INSYN2B: variants seen among roughly 807,000 people sequenced by gnomAD.
INSYN2B encodes inhibitory synaptic factor family member 2B.
Under a neutral mutation model 41.2 loss-of-function variants are expected in INSYN2B, and 16 were observed. That is an observed-to-expected ratio of 0.39 (90% confidence interval 0.26 to 0.59). INSYN2B has a LOEUF of 0.59. Ranked by LOEUF, INSYN2B falls within the 20% of genes least tolerant of loss-of-function variation. The pLI, the probability that INSYN2B is intolerant of heterozygous loss-of-function variation, is 0.57. For missense variants in INSYN2B, 608 were observed against 646.4 expected, an observed-to-expected ratio of 0.94 and a Z score of 0.64; for synonymous variants, 245 against 244.4, an observed-to-expected ratio of 1.00 and a Z score of -0.02.
At position 169,862,334 on chromosome 5, in the gene INSYN2B, C is replaced by T. The variant is rs991018664; in HGVS notation, c.*1939G>A. Among the ~76,000 whole-genome samples the T allele has an allele frequency of 4.6e-5, 7 of 152,042 alleles. No individual in the cohort carries two copies. The highest frequency in any genetic ancestry group is 9.7e-5 in the African/African-American group (4 of 41,392). ...GTTATTTACATTCTAGCATGATGCC[C>T]GAGAATATAAATTCACATGAAATTA... On this transcript the variant is annotated 3_prime_UTR_variant, in exon 4 of 4. Coordinates refer to ENST00000377365, the MANE Select transcript of INSYN2B (RefSeq NM_001129891.3).
chr5:169,974,313 A>C (rs1358933468), intron 1 of INSYN2B, among the ~76,000 whole-genome samples: 1 of 152,250 alleles, frequency 6.6e-6, no homozygotes, highest in Non-Finnish European at 1.5e-5. Context: ...TATTACGATC[A>C]TCAGTGTACT....
chr5:169,980,198 A>G (rs1400005955), intron 1 of INSYN2B, 79 bp downstream of exon 1: 2 of 152,136 alleles, frequency 1.3e-5, no homozygotes, highest in East Asian at 1.9e-4. Flanking sequence ...TTAAAAGTAA[A>G]CTATTGTCCA....
At chr5:169,927,766 G>A (rs1206008818) in intron 1 of INSYN2B, among the ~76,000 whole-genome samples, 9 of 152,212 alleles carry the variant, frequency 5.9e-5, no homozygotes, top group South Asian at 4.1e-4. Flanking sequence ...ACAGGCGCCC[G>A]CCACCACGCC....
chr5:169,867,813 C>T (rs1044406605), intron 3 of INSYN2B, among the ~76,000 whole-genome samples: 2 of 152,182 alleles, frequency 1.3e-5, no homozygotes, highest in Non-Finnish European at 2.9e-5. Context: ...TTTCTGTCTG[C>T]ACCACCTATA....
intron 3 of INSYN2B, among the ~76,000 whole-genome samples, chr5:169,880,496 C>A (rs573464673): frequency 3.9e-5 from 6 of 152,330 alleles, no homozygotes; most frequent in Admixed American, 1.3e-4. Flanking sequence ...CTTTGGTCAA[C>A]AAAATTAGAT....
chr5:169,902,722 G>T (rs1773998768), intron 1 of INSYN2B, among the ~76,000 whole-genome samples: 1 of 152,142 alleles, frequency 6.6e-6, no homozygotes, highest in Non-Finnish European at 1.5e-5. Context: ...CCCTTAATCT[G>T]CAGAAAATGG....
At chr5:169,904,301 A>G (rs547056490) in intron 1 of INSYN2B, among the ~76,000 whole-genome samples, 2 of 151,412 alleles carry the variant, frequency 1.3e-5, no homozygotes, top group East Asian at 3.9e-4. Context: ...TCTTAATGCT[A>G]GTTGTCCCTT....
intron 3 of INSYN2B, among the ~76,000 whole-genome samples, chr5:169,879,186 A>G (rs1199428331): frequency 6.6e-6 from 1 of 152,200 alleles, no homozygotes; most frequent in East Asian, 1.9e-4. Context: ...TGGGCAATCC[A>G]TCATGCGCTG....
intron 1 of INSYN2B, among the ~76,000 whole-genome samples, chr5:169,972,627 G>T (rs1007950040): frequency 7.3e-6 from 1 of 136,500 alleles, no homozygotes; most frequent in African/African-American, 2.7e-5. Flanking sequence ...TAGATAGATA[G>T]ATGATAGGTG....
intron 1 of INSYN2B, among the ~76,000 whole-genome samples, chr5:169,885,959 G>C (rs561293083): frequency 3.3e-5 from 5 of 152,286 alleles, no homozygotes; most frequent in Admixed American, 2.6e-4. Flanking sequence ...AGAGGAGCTA[G>C]AATTTGAACC....
chr5:169,978,404 G>GTT (rs1777808899), intron 1 of INSYN2B, among the ~76,000 whole-genome samples: 6 of 121,380 alleles, frequency 4.9e-5, no homozygotes, highest in Admixed American at 4.8e-4. Context: ...GGGGGGGGGG[G>GTT]GTGTAGGTGT....
intron 1 of INSYN2B, among the ~76,000 whole-genome samples, chr5:169,907,028 C>G (rs1581396475): frequency 6.6e-6 from 1 of 152,172 alleles, no homozygotes; most frequent in Admixed American, 6.5e-5. Flanking sequence ...GGTCCCTGCT[C>G]TCACTGAGCT....
At chr5:169,889,387 T>C (rs1162730452) in intron 1 of INSYN2B, among the ~76,000 whole-genome samples, 2 of 152,214 alleles carry the variant, frequency 1.3e-5, no homozygotes, top group African/African-American at 4.8e-5. Flanking sequence ...CTGTAATAAA[T>C]ACTGTGGAGA....
chr5:169,955,674 C>T (rs1024127430), intron 1 of INSYN2B, among the ~76,000 whole-genome samples: 1 of 152,142 alleles, frequency 6.6e-6, no homozygotes, highest in Admixed American at 6.5e-5. Flanking sequence ...TTTTGAATTC[C>T]AGCCTAGCCA....
chr5:169,934,795 A>G, intron 1 of INSYN2B: 2 of 446,432 alleles, frequency 4.5e-6, no homozygotes, highest in South Asian at 3.2e-5. Context: ...TGTTAGTTTC[A>G]TTATTATCTG....
intron 1 of INSYN2B, among the ~76,000 whole-genome samples, chr5:169,904,157 T>C (rs1774138240): frequency 1.3e-5 from 2 of 150,360 alleles, no homozygotes; most frequent in South Asian, 4.2e-4. Flanking sequence ...GCTGCCTAGA[T>C]CCTTTGTACT....
chr5:169,898,528 AAACAACAACAACAACAAC>A (rs36216194), intron 1 of INSYN2B, among the ~76,000 whole-genome samples: 4 of 151,130 alleles, frequency 2.6e-5, no homozygotes, highest in Non-Finnish European at 5.9e-5. Flanking sequence ...CACACACACA[AAACAACAACAACAACAAC>A]AACAACAACA....
intron 1 of INSYN2B, among the ~76,000 whole-genome samples, chr5:169,894,598 G>A: frequency 6.6e-6 from 1 of 152,220 alleles, no homozygotes; most frequent in Non-Finnish European, 1.5e-5. Flanking sequence ...AATCACAGAT[G>A]AACAGAGAAC....
intron 1 of INSYN2B, among the ~76,000 whole-genome samples, chr5:169,945,917 G>A (rs949907461): frequency 1.2e-4 from 18 of 152,160 alleles, no homozygotes; most frequent in African/African-American, 1.9e-4. Flanking sequence ...CCAGAAAAGC[G>A]AGCATCCCCC....
Sources: gnomAD v4.1 joint callset for allele counts (sites outside exome capture counted in the v4.1 genomes callset) on GRCh38, gnomAD v4.1.1 for gene constraint, MANE v1.5 for transcripts, NCBI Gene and HGNC (gene_info 2026-07-23, HGNC 2026-07-21) for gene names.